CSNK1G1: variants seen among roughly 807,000 people sequenced by gnomAD.
CSNK1G1 encodes the protein casein kinase 1 gamma 1, also known as casein kinase I isoform gamma-1.
A neutral mutation model predicts 59.6 loss-of-function variants in CSNK1G1; 22 were observed. That is an observed-to-expected ratio of 0.37 (90% CI 0.26 to 0.53). The LOEUF is 0.53. Among genes scored for constraint, CSNK1G1 ranks in the 20% least tolerant of loss-of-function variants. The pLI is 0.89. For missense variants in CSNK1G1, 384 were observed against 519.5 expected, an observed-to-expected ratio of 0.74 and a Z score of 2.54; for synonymous variants, 179 against 177.1, an observed-to-expected ratio of 1.01 and a Z score of -0.08.
intron 4 of CSNK1G1, among the ~76,000 whole-genome samples, chr15:64,238,494 TAAAA>T (rs1169739046): frequency 1.8e-4 from 10 of 56,428 alleles, no homozygotes; most frequent in African/African-American, 3.1e-4. Context: ...CCCTGTCCCT[TAAAA>T]AAAAAAAAAA....
At position 64,188,746 on chromosome 15, in the gene CSNK1G1, G is replaced by GA. The variant is rs2081930816; in HGVS notation, c.1108-8293_1108-8292insT. Among the ~76,000 whole-genome samples, 2 of 140,062 alleles carry GA rather than the reference G, an allele frequency of 1.4e-5. No individual in the cohort carries two copies. Among genetic ancestry groups the GA allele is most frequent in the South Asian group, 2.2e-4 (1 of 4,508 alleles). The allele number at this position is 140,062 out of a possible 152,430, so 91.9% of individuals were successfully genotyped here. The stretch of plus-strand genomic sequence containing the variant: ...CCAATAACGACCAAAAGAGGAGGGA[G>GA]GGGGAAAAAACACACAGTCAAAGCT... On this transcript the variant is annotated intron_variant, in intron 10 of 11. Transcript: ENST00000303052. The surrounding 1 kb of genome is among the most constrained non-coding windows in gnomAD (Gnocchi z 4.2).
chr15:64,189,202 T>C (rs1439042695), intron 10 of CSNK1G1: 1 of 292,700 alleles, frequency 3.4e-6, no homozygotes, highest in African/African-American at 2.3e-5. Flanking sequence ...GCGTCTAGAC[T>C]GAATTAGAAA....
intron 1 of CSNK1G1, among the ~76,000 whole-genome samples, chr15:64,345,065 G>A (rs1897879438): frequency 6.6e-6 from 1 of 152,142 alleles, no homozygotes; most frequent in South Asian, 2.1e-4. Flanking sequence ...AACAATTCTT[G>A]CATCATACCC....
At chr15:64,249,444 TCAA>T (rs1163902019) in intron 4 of CSNK1G1, among the ~76,000 whole-genome samples, 1 of 152,198 alleles carries the variant, frequency 6.6e-6, no homozygotes. Context: ...GTGGGTGATC[TCAA>T]GAAGCAGAAA....
At position 64,207,554 on chromosome 15, in the gene CSNK1G1, C is replaced by T; in HGVS notation, c.720G>A (p.Met240Ile). ...GGCTGCCTCGAAGGAAATACATGAA[C>T]ATATGGCCTAGGGCTTCCAAATCAT... ...RRDDLEALGH[M>I]FMYFLRGSLP... Residue 240 changes from methionine to isoleucine, a missense_variant, in exon 7 of 12, where the codon ATG (methionine) becomes ATA (isoleucine). Physicochemically the swap from Met to Ile is conservative, Grantham distance 10. Around this residue, in one of 3 missense-constraint regions of CSNK1G1, gnomAD observed 325 missense variants for 440.9 expected, o/e 0.74. Coordinates refer to ENST00000303052, the MANE Select transcript of CSNK1G1 (RefSeq NM_022048.5). The T allele has an allele frequency of 6.2e-7, 1 of 1,614,074 alleles. No homozygotes were observed. Among genetic ancestry groups the T allele is most frequent in the Non-Finnish European group, 8.5e-7 (1 of 1,179,966 alleles).
chr15:64,276,464 G>A (rs1405070614), intron 2 of CSNK1G1, among the ~76,000 whole-genome samples: 1 of 152,042 alleles, frequency 6.6e-6, no homozygotes, highest in Non-Finnish European at 1.5e-5. Flanking sequence ...TTCATTATGG[G>A]TCTGAAACAG....
chr15:64,182,932 C>G (rs2081838942), intron 10 of CSNK1G1, among the ~76,000 whole-genome samples: 1 of 152,144 alleles, frequency 6.6e-6, no homozygotes, highest in South Asian at 2.1e-4. Context: ...CTAATGCTAT[C>G]CTGTTAATTT....
chr15:64,213,091 G>A (rs1021740054), intron 6 of CSNK1G1, among the ~76,000 whole-genome samples: 8 of 152,130 alleles, frequency 5.3e-5, no homozygotes, highest in African/African-American at 1.9e-4. Context: ...CTGCCTAGGA[G>A]TATGGAATCT....
chr15:64,277,661 A>G (rs1325534805), intron 2 of CSNK1G1, among the ~76,000 whole-genome samples: 6 of 130,530 alleles, frequency 4.6e-5, no homozygotes, highest in African/African-American at 1.2e-4. Flanking sequence ...ATATAGCAAT[A>G]TTGATATATT....
chr15:64,215,627 A>G (rs934233807), intron 5 of CSNK1G1, among the ~76,000 whole-genome samples: 3 of 152,236 alleles, frequency 2.0e-5, no homozygotes, highest in Non-Finnish European at 2.9e-5. Context: ...GGGAGAGACC[A>G]TTACCATTTT....
intron 4 of CSNK1G1, among the ~76,000 whole-genome samples, chr15:64,250,574 T>A (rs1431190523): frequency 5.3e-5 from 8 of 152,002 alleles, no homozygotes; most frequent in Admixed American, 5.2e-4. Flanking sequence ...CAAAACCCCA[T>A]CTCTACTAAA....
chr15:64,293,949 T>C (rs943147410), intron 2 of CSNK1G1, among the ~76,000 whole-genome samples: 2 of 152,236 alleles, frequency 1.3e-5, no homozygotes, highest in South Asian at 2.1e-4. Context: ...TTAATTATAG[T>C]ATTAAAATAC....
intron 4 of CSNK1G1, among the ~76,000 whole-genome samples, chr15:64,232,864 A>C (rs1484959371): frequency 1.3e-5 from 2 of 152,230 alleles, no homozygotes; most frequent in Admixed American, 6.5e-5. Context: ...AAAAAGGTCA[A>C]AATATGACAT....
intron 1 of CSNK1G1, among the ~76,000 whole-genome samples, chr15:64,338,344 T>C (rs890903334): frequency 1.3e-5 from 2 of 152,196 alleles, no homozygotes; most frequent in Admixed American, 6.5e-5. Flanking sequence ...AGGACTTCTA[T>C]AGATGTGCAA....
At chr15:64,262,052 T>C (rs1208145239) in intron 2 of CSNK1G1, among the ~76,000 whole-genome samples, 2 of 152,152 alleles carry the variant, frequency 1.3e-5, no homozygotes, top group African/African-American at 4.8e-5. Context: ...TTTTATGACC[T>C]GATAAGATCT....
At chr15:64,230,302 G>GT (rs1174714667) in intron 4 of CSNK1G1, among the ~76,000 whole-genome samples, 164 of 142,126 alleles carry the variant, frequency 1.2e-3, no homozygotes, top group Admixed American at 9.8e-4. Context: ...GCCAGTTTTG[G>GT]TTTTTTTTTT....
intron 1 of CSNK1G1, among the ~76,000 whole-genome samples, chr15:64,340,334 A>AT (rs947063827): frequency 1.9e-4 from 29 of 151,594 alleles, no homozygotes; most frequent in African/African-American, 3.9e-4. Flanking sequence ...TGTTTTAATG[A>AT]TTTTTTTTTC....
At chr15:64,259,082 CA>C (rs796743149) in intron 3 of CSNK1G1, 118 bp downstream of exon 3, 47 of 765,864 alleles carry the variant, frequency 6.1e-5, no homozygotes, top group African/African-American at 1.6e-4. Context: ...GGATCATACA[CA>C]AAAAAAACCC....
At chr15:64,243,501 C>T (rs4561409) in intron 4 of CSNK1G1, among the ~76,000 whole-genome samples, 52,437 of 151,670 alleles carry the variant, frequency 0.35, 10,234 homozygotes, top group East Asian at 0.84. Flanking sequence ...GACAGGATGC[C>T]GTCTCTCACC....
Sources: gnomAD v4.1 joint callset for allele counts (sites outside exome capture counted in the v4.1 genomes callset) on GRCh38, gnomAD v4.1.1 for gene constraint, gnomAD v4.1.1 regional missense constraint, Gnocchi (gnomAD v3.1) non-coding constraint, MANE v1.5 for transcripts, NCBI Gene and HGNC (gene_info 2026-07-23, HGNC 2026-07-21) for gene names.